The following SP140L variants were observed in gnomAD, a reference collection of about 807,000 sequenced individuals.
SP140L encodes the protein SP140 like nuclear body protein.
In SP140L, 64 loss-of-function variants were observed where a neutral mutation model predicts 84.3. The observed-to-expected ratio is 0.76, with a 90% CI of 0.62 to 0.94. The LOEUF is 0.94. SP140L is among the 40% of genes least tolerant of loss of function. SP140L has a pLI of 0.00. For missense variants in SP140L, 628 were observed against 692.5 expected, an observed-to-expected ratio of 0.91 and a Z score of 1.05; for synonymous variants, 242 against 236.9, an observed-to-expected ratio of 1.02 and a Z score of -0.20.
rs552208141 is a variant in SP140L at position 230,358,975 on chromosome 2, T to C, written c.282T>C (p.Asp94=). 1 of 1,583,754 alleles carries C rather than the reference T, an allele frequency of 6.3e-7. No individual in the cohort carries two copies. The highest frequency in any genetic ancestry group is 1.2e-5 in the South Asian group (1 of 84,676). Residue 94 remains aspartate, a synonymous_variant, in exon 4 of 19, where the codon GAT becomes GAC. Transcript: ENST00000415673. ...ITNKMFEDSE[D]SCRNLVPVQR... ...CAATATTTTTAAAGGATTCTGAAGA[T>C]TCTTGTAGAAACCTGGTCCCTGTAC... is the stretch of plus-strand genomic sequence containing the variant.
chr2:230,348,292 G>A (rs1451648419), intron 2 of SP140L, among the ~76,000 whole-genome samples: 2 of 152,192 alleles, frequency 1.3e-5, no homozygotes, highest in Non-Finnish European at 1.5e-5. Context: ...TAACAGTAAC[G>A]TGATAGTTAA....
At chr2:230,396,937 A>G in intron 14 of SP140L, 139 bp downstream of exon 14, 4 of 1,017,590 alleles carry the variant, frequency 3.9e-6, no homozygotes, top group Non-Finnish European at 4.4e-6. Flanking sequence ...CAGTTGCATC[A>G]CCCAAGCCAG....
At chr2:230,380,253 A>C (rs971702978) in intron 7 of SP140L, among the ~76,000 whole-genome samples, 27 of 152,270 alleles carry the variant, frequency 1.8e-4, no homozygotes, top group African/African-American at 6.5e-4. Flanking sequence ...TGAGAACAGT[A>C]CAGGGGAAAC....
rs2062424396 is a variant in SP140L at position 230,403,011 on chromosome 2, C to A, written c.*115C>A. On this transcript the variant is annotated 3_prime_UTR_variant, in exon 19 of 19. Coordinates refer to ENST00000415673, the MANE Select transcript of SP140L (RefSeq NM_138402.6). ...AGGGAGAGGCTTTTCTCTGAGCCTCCCTCATCTGCCCAAAAACAAATCCTC... is the reference window on the plus strand; with the variant it reads ...AGGGAGAGGCTTTTCTCTGAGCCTCACTCATCTGCCCAAAAACAAATCCTC... 1 of 743,254 alleles carries A rather than the reference C, an allele frequency of 1.3e-6. No individual in the cohort carries two copies. Among genetic ancestry groups the A allele is most frequent in the East Asian group, 2.7e-5 (1 of 36,398 alleles). 46.0% of individuals were successfully genotyped at this position (743,254 alleles called of 1,614,324 possible). A position where few individuals can be genotyped will look rare whatever the true frequency, so the allele number is the denominator to read the frequency against.
At chr2:230,364,195 A>G (rs1054349660) in intron 5 of SP140L, among the ~76,000 whole-genome samples, 9 of 152,136 alleles carry the variant, frequency 5.9e-5, no homozygotes, top group African/African-American at 1.9e-4. Flanking sequence ...ATTTCAGAAA[A>G]AAATGTCTTT....
intron 9 of SP140L, among the ~76,000 whole-genome samples, chr2:230,386,392 G>A (rs2061582993): frequency 1.3e-5 from 2 of 152,154 alleles, no homozygotes; most frequent in Non-Finnish European, 2.9e-5. Flanking sequence ...GGGACTTGAA[G>A]TGAAATTTTG....
intron 2 of SP140L, among the ~76,000 whole-genome samples, chr2:230,350,306 T>C (rs2060327209): frequency 6.6e-6 from 1 of 152,240 alleles, no homozygotes; most frequent in South Asian, 2.1e-4. Context: ...ACAGCAAAAC[T>C]ATTACCTTCA....
At chr2:230,390,131 GT>G in intron 11 of SP140L, 108 bp downstream of exon 11, 1 of 1,007,444 alleles carries the variant, frequency 9.9e-7, no homozygotes, top group Non-Finnish European at 1.5e-6. Flanking sequence ...TTTGGGCCCA[GT>G]TTAGCTTGAG....
chr2:230,348,810 TG>T (rs1279517000), intron 2 of SP140L, among the ~76,000 whole-genome samples: 1 of 152,254 alleles, frequency 6.6e-6, no homozygotes, highest in Non-Finnish European at 1.5e-5. Context: ...CAAAGATTTT[TG>T]TCTTTATTTT....
At chr2:230,360,514 T>A (rs1435631440) in intron 4 of SP140L, among the ~76,000 whole-genome samples, 1 of 152,130 alleles carries the variant, frequency 6.6e-6, no homozygotes, top group African/African-American at 2.4e-5. Flanking sequence ...TAAAAGGAAA[T>A]CACATATCTG....
intron 2 of SP140L, among the ~76,000 whole-genome samples, chr2:230,355,723 A>G (rs2060522963): frequency 6.6e-6 from 1 of 152,236 alleles, no homozygotes; most frequent in Non-Finnish European, 1.5e-5. Context: ...ACCCATGTTC[A>G]TATTGTAAAT....
Position 230,356,652 on chromosome 2 carries a change from A to AAT in SP140L, c.108-1152_108-1151dup, listed in dbSNP as rs1002583159. On this transcript the variant is annotated intron_variant, in intron 2 of 18. Transcript: ENST00000415673. ...TGCTCTGTTCATTTTTCAAATAACAAATCAGTTTTTAGCTGTGTGTCTCCC... is the reference window on the plus strand; with the variant it reads ...TGCTCTGTTCATTTTTCAAATAACAAATATCAGTTTTTAGCTGTGTGTCTCCC... 1.4e-4 allele frequency among the ~76,000 whole-genome samples: 22 copies of AAT among 152,252 alleles called. 1 individual carries two copies. The highest frequency in any genetic ancestry group is 4.6e-4 in the African/African-American group (19 of 41,548).
intron 9 of SP140L, among the ~76,000 whole-genome samples, chr2:230,388,201 A>T (rs1172597662): frequency 6.6e-6 from 1 of 152,200 alleles, no homozygotes; most frequent in African/African-American, 2.4e-5. Context: ...AACATATATT[A>T]TATGCCATAT....
chr2:230,396,629 C>G, intron 13 of SP140L, 128 bp from the exon 14 acceptor site: 1 of 1,123,654 alleles, frequency 8.9e-7, no homozygotes, highest in Non-Finnish European at 1.3e-6. Context: ...TGGCCTTCAT[C>G]TCCTCCCAAT....
chr2:230,398,646 G>T (rs2062168394), intron 14 of SP140L, among the ~76,000 whole-genome samples: 1 of 152,232 alleles, frequency 6.6e-6, no homozygotes, highest in Non-Finnish European at 1.5e-5. Context: ...TATCCTCACT[G>T]GGGAACCTGA....
chr2:230,380,887 C>T (rs185595732), intron 7 of SP140L, among the ~76,000 whole-genome samples: 3 of 152,224 alleles, frequency 2.0e-5, no homozygotes, highest in African/African-American at 7.2e-5. Context: ...ATGAACGTCA[C>T]CTCAAGTATT....
At chr2:230,343,738 T>C (rs1043894688) in intron 2 of SP140L, among the ~76,000 whole-genome samples, 5 of 152,294 alleles carry the variant, frequency 3.3e-5, no homozygotes, top group African/African-American at 4.8e-5. Context: ...CTCACCAGCA[T>C]CTATTGTTTT....
At chr2:230,353,665 TATC>T (rs2149719572) in intron 2 of SP140L, among the ~76,000 whole-genome samples, 1 of 152,246 alleles carries the variant, frequency 6.6e-6, no homozygotes, top group East Asian at 1.9e-4. Flanking sequence ...TTAGTATCAA[TATC>T]ATCAATATTG....
rs114091055 is a variant in SP140L at position 230,401,293 on chromosome 2, G to A, written c.1423-73G>A. The A allele has an allele frequency of 6.1e-4, 975 of 1,610,444 alleles. 23 individuals carry two copies. In the African/African-American group the frequency reaches 0.011, roughly 18 times the overall value. On this transcript the variant is annotated intron_variant, in intron 16 of 18. Transcript: ENST00000415673. ...AACTTGAGGAAGAAGGGTGTGAGTC[G>A]TGTGCTGTGTCTCATGCATGTGGGC...
Sources: allele counts gnomAD v4.1 joint callset (sites outside exome capture counted in the v4.1 genomes callset), GRCh38; gene constraint gnomAD v4.1.1; transcripts MANE v1.5; gene names NCBI Gene and HGNC (gene_info 2026-07-23, HGNC 2026-07-21).